Variants in NKAIN2 observed in about 807,000 individuals in gnomAD.
The protein encoded by NKAIN2 is sodium/potassium transporting ATPase interacting 2.
A neutral mutation model predicts 32.6 loss-of-function variants in NKAIN2; 14 were observed. The observed-to-expected ratio is 0.43, with a 90% CI of 0.28 to 0.67. NKAIN2 has a LOEUF of 0.67. Ranked by LOEUF, NKAIN2 falls within the 30% of genes least tolerant of loss-of-function variation. NKAIN2 has a pLI of 0.17. For synonymous variants in NKAIN2, 80 were observed against 87.2 expected, an observed-to-expected ratio of 0.92 and a Z score of 0.46; for missense variants, 198 against 258.3, an observed-to-expected ratio of 0.77 and a Z score of 1.60.
At chr6:124,673,022 C>T (rs1562317118) in intron 4 of NKAIN2, among the ~76,000 whole-genome samples, 1 of 152,030 alleles carries the variant, frequency 6.6e-6, no homozygotes, top group Non-Finnish European at 1.5e-5. Flanking sequence ...AATATACACT[C>T]ATTGAACAGC....
At chr6:123,963,711 C>T (rs931262559) in intron 1 of NKAIN2, among the ~76,000 whole-genome samples, 1 of 152,092 alleles carries the variant, frequency 6.6e-6, no homozygotes. Flanking sequence ...TTCCAGCATG[C>T]CAATTTTCGA....
chr6:124,797,804 G>A (rs1052375136), intron 5 of NKAIN2, among the ~76,000 whole-genome samples: 2 of 152,086 alleles, frequency 1.3e-5, no homozygotes, highest in South Asian at 2.1e-4. Flanking sequence ...AACCATGGGG[G>A]AGGGTAGACA....
intron 4 of NKAIN2, among the ~76,000 whole-genome samples, chr6:124,779,038 C>G (rs529345078): frequency 1.1e-3 from 169 of 152,044 alleles, no homozygotes; most frequent in Middle Eastern, 6.8e-3. Context: ...GAGCGCAAGA[C>G]CAGCCTGGCC....
chr6:123,831,658 T>TG (rs1480585758), intron 1 of NKAIN2, among the ~76,000 whole-genome samples: 13 of 150,690 alleles, frequency 8.6e-5, no homozygotes, highest in Middle Eastern at 3.4e-3. Context: ...AGTTTTTTTT[T>TG]TTGTTTTTTT....
At chr6:124,269,387 A>G (rs759498035) in intron 1 of NKAIN2, among the ~76,000 whole-genome samples, 1 of 152,076 alleles carries the variant, frequency 6.6e-6, no homozygotes, top group Non-Finnish European at 1.5e-5. Flanking sequence ...CCCTGCAGCC[A>G]TCTGAAATGA....
chr6:124,298,289 G>A (rs1796149727), intron 2 of NKAIN2, among the ~76,000 whole-genome samples: 1 of 151,804 alleles, frequency 6.6e-6, no homozygotes, highest in African/African-American at 2.4e-5. Flanking sequence ...CATGTTTTGT[G>A]TAGCAATATA....
intron 3 of NKAIN2, among the ~76,000 whole-genome samples, chr6:124,437,518 C>T (rs1044268821): frequency 2.6e-5 from 4 of 152,030 alleles, no homozygotes; most frequent in African/African-American, 9.7e-5. Context: ...CTTCTGATTT[C>T]CATTCTTTCT....
chr6:123,830,989 A>G (rs571842306), intron 1 of NKAIN2, among the ~76,000 whole-genome samples: 1 of 152,232 alleles, frequency 6.6e-6, no homozygotes, highest in African/African-American at 2.4e-5. Flanking sequence ...ATCTGTAGCT[A>G]TCGGCTTTTG....
intron 2 of NKAIN2, among the ~76,000 whole-genome samples, chr6:124,290,863 GC>G (rs1348102279): frequency 2.0e-5 from 3 of 152,050 alleles, no homozygotes; most frequent in East Asian, 3.9e-4. Flanking sequence ...ACTATCTGTA[GC>G]TTTTTGTTTT....
chr6:123,942,568 ATTTCT>A lies in NKAIN2; in HGVS notation c.54+138316_54+138320del, dbSNP rs1296494280. Among the ~76,000 whole-genome samples the A allele has an allele frequency of 3.3e-5, 5 of 152,102 alleles. No individual in the cohort carries two copies. In the South Asian group the frequency reaches 1.0e-3, roughly 32 times the overall value. On this transcript the variant is annotated intron_variant, in intron 1 of 6. Transcript: ENST00000368417. ...CAGTATTATTTTCTGCCATGTGTTA[ATTTCT>A]TGCATGAATGCCTTATTTACCTTCA...
At chr6:123,846,814 C>T (rs913708414) in intron 1 of NKAIN2, among the ~76,000 whole-genome samples, 3 of 146,882 alleles carry the variant, frequency 2.0e-5, no homozygotes, top group African/African-American at 7.3e-5. Context: ...ATTACCACCC[C>T]CCACGCCACC....
At chr6:124,036,704 A>C (rs1289605965) in intron 1 of NKAIN2, among the ~76,000 whole-genome samples, 1 of 152,106 alleles carries the variant, frequency 6.6e-6, no homozygotes, top group Non-Finnish European at 1.5e-5. Flanking sequence ...TTTTTGAGAG[A>C]CTGGGAAGTC....
intron 1 of NKAIN2, among the ~76,000 whole-genome samples, chr6:123,918,525 T>C (rs1395654648): frequency 6.6e-6 from 1 of 152,214 alleles, no homozygotes; most frequent in Non-Finnish European, 1.5e-5. Context: ...GGTTGGTGGC[T>C]ACTGTGTTGG....
chr6:124,236,060 C>T (rs988459389), intron 1 of NKAIN2, among the ~76,000 whole-genome samples: 2 of 151,696 alleles, frequency 1.3e-5, no homozygotes, highest in Non-Finnish European at 2.9e-5. Context: ...TCACTGAGGT[C>T]TTGAGTGGCA....
intron 3 of NKAIN2, among the ~76,000 whole-genome samples, chr6:124,457,019 C>G (rs546601442): frequency 2.0e-5 from 3 of 151,786 alleles, no homozygotes; most frequent in Non-Finnish European, 2.9e-5. Flanking sequence ...AGAAACTCTT[C>G]GTGAATGTAC....
intron 1 of NKAIN2, among the ~76,000 whole-genome samples, chr6:124,258,499 T>C (rs2689886): frequency 0.44 from 66,245 of 152,012 alleles, 16,837 homozygotes; most frequent in African/African-American, 0.71. Context: ...GAAAGCAAAA[T>C]GATAAACGAT....
chr6:123,932,516 A>G lies in NKAIN2; in HGVS notation c.54+128262A>G, dbSNP rs559765334. On this transcript the variant is annotated intron_variant, in intron 1 of 6. Transcript: ENST00000368417. ...ACTGCAAGCTCCGCCTCCCGGGTTC[A>G]CGCCATTCTCCTGCCTCAGCCTCCT... is the stretch of plus-strand genomic sequence containing the variant. Among the ~76,000 whole-genome samples, 3 of 145,702 alleles carry G rather than the reference A, an allele frequency of 2.1e-5. No individual in the cohort carries two copies. The South Asian group carries it at 6.4e-4, about 31-fold the overall frequency.
At chr6:124,668,997 G>T (rs935179900) in intron 4 of NKAIN2, among the ~76,000 whole-genome samples, 7 of 152,076 alleles carry the variant, frequency 4.6e-5, no homozygotes, top group Non-Finnish European at 1.0e-4. Flanking sequence ...CTTCAAAGTT[G>T]CTGTGATCAT....
intron 1 of NKAIN2, among the ~76,000 whole-genome samples, chr6:123,842,369 G>A (rs1469848258): frequency 6.6e-6 from 1 of 152,068 alleles, no homozygotes; most frequent in Non-Finnish European, 1.5e-5. Context: ...TCCTTATGTG[G>A]TGGAGTAAAA....
Sources: allele counts gnomAD v4.1 joint callset (sites outside exome capture counted in the v4.1 genomes callset), GRCh38; gene constraint gnomAD v4.1.1; transcripts MANE v1.5; gene names NCBI Gene and HGNC (gene_info 2026-07-23, HGNC 2026-07-21).